Variants in ADGRG2 observed in about 807,000 individuals in gnomAD.
ADGRG2 encodes the protein G protein-coupled receptor 64.
Under a neutral mutation model 74.1 loss-of-function variants are expected in ADGRG2, and 26 were observed. The observed-to-expected ratio is 0.35, with a 90% CI of 0.26 to 0.49. ADGRG2 has a LOEUF of 0.49. Among genes scored for constraint, ADGRG2 ranks in the 20% least tolerant of loss-of-function variants. The probability of loss-of-function intolerance (pLI) is 0.99; values close to 1 mark genes in which losing one functional copy is unlikely to be tolerated. For synonymous variants in ADGRG2, 296 were observed against 295.2 expected (o/e 1.00, Z -0.03); for missense variants, 619 against 763.1 (o/e 0.81, Z 2.22).
At chrX:18,999,511 T>A (rs1372544603) in intron 25 of ADGRG2, among the ~76,000 whole-genome samples, 1 of 112,161 alleles carries the variant, frequency 8.9e-6, no homozygotes, top group Admixed American at 9.5e-5. Context: ...ATAGACCTTT[T>A]TTTAAACATT....
At chrX:19,053,003 A>G in intron 3 of ADGRG2, among the ~76,000 whole-genome samples, 1 of 111,675 alleles carries the variant, frequency 9.0e-6, no homozygotes, top group Non-Finnish European at 1.9e-5. Flanking sequence ...CCTCATCTTA[A>G]CCATTTTTAA....
intron 1 of ADGRG2, among the ~76,000 whole-genome samples, chrX:19,107,738 T>A (rs2062332616): frequency 9.2e-6 from 1 of 109,057 alleles, no homozygotes; most frequent in Non-Finnish European, 1.9e-5. Flanking sequence ...TAAGATATTT[T>A]AAAATGATGA....
At chrX:19,102,557 GA>G (rs2062207899) in intron 1 of ADGRG2, among the ~76,000 whole-genome samples, 1 of 105,940 alleles carries the variant, frequency 9.4e-6, no homozygotes, top group African/African-American at 3.5e-5. Context: ...TTAAACCAAG[GA>G]AATGAATCTC....
intron 3 of ADGRG2, among the ~76,000 whole-genome samples, chrX:19,050,570 G>A (rs1002641059): frequency 2.7e-5 from 3 of 111,560 alleles, no homozygotes; most frequent in African/African-American, 9.8e-5. Context: ...AACCCTGGCT[G>A]CACATTAATA....
At chrX:19,115,783 A>C (rs1420112817) in intron 1 of ADGRG2, among the ~76,000 whole-genome samples, 1 of 110,835 alleles carries the variant, frequency 9.0e-6, no homozygotes, top group Non-Finnish European at 1.9e-5. Context: ...GTGAAACCCT[A>C]TCCCTACTAA....
chrX:19,090,503 T>C (rs1030768201), intron 1 of ADGRG2, among the ~76,000 whole-genome samples: 2 of 111,915 alleles, frequency 1.8e-5, no homozygotes, highest in Admixed American at 1.9e-4. Flanking sequence ...AACAATGTAC[T>C]GTGAGTGGTA....
intron 2 of ADGRG2, among the ~76,000 whole-genome samples, chrX:19,076,093 C>T (rs1250453460): frequency 2.7e-5 from 3 of 111,967 alleles, no homozygotes; most frequent in Non-Finnish European, 5.6e-5. Context: ...ATCACCACAG[C>T]CTGCATACCC....
intron 2 of ADGRG2, among the ~76,000 whole-genome samples, chrX:19,071,122 T>C (rs2061647721): frequency 9.0e-6 from 1 of 111,518 alleles, no homozygotes; most frequent in South Asian, 3.8e-4. Flanking sequence ...AAGCTGGCAA[T>C]CTTTAAGAAT....
intron 3 of ADGRG2, among the ~76,000 whole-genome samples, chrX:19,065,252 A>G (rs1483665236): frequency 4.3e-5 from 4 of 92,366 alleles, no homozygotes; most frequent in African/African-American, 1.6e-4. Context: ...CGACAACAAG[A>G]TCCTGTCTCA....
intron 23 of ADGRG2, 77 bp downstream of exon 23, chrX:19,004,681 A>C (rs2060195092): frequency 2.0e-6 from 2 of 1,024,440 alleles, no homozygotes; most frequent in Non-Finnish European, 1.3e-6. Flanking sequence ...GGCCGAGGAA[A>C]GGGCTTAGTT....
rs61296210 is a variant in ADGRG2 at position 19,093,902 on chromosome X, TACACACACACACAC to T, written c.-46-11170_-46-11157del. On this transcript the variant is annotated intron_variant, in intron 1 of 28. Transcript: ENST00000379869. ...TGGACATAAATGTGGTATGTAGGTA[TACACACACACACAC>T]ACACACACACACACACACACACCCC... is the stretch of plus-strand genomic sequence containing the variant. 2.6e-3 allele frequency among the ~76,000 whole-genome samples: 256 copies of T among 100,127 alleles called. 1 individual carries two copies. The highest frequency in any genetic ancestry group is 5.1e-3 in the Middle Eastern group (1 of 197). 86.9% of individuals were successfully genotyped at this position (100,127 alleles called of 115,157 possible). A position where few individuals can be genotyped will look rare whatever the true frequency, so the allele number is the denominator to read the frequency against.
Position 19,046,837 on chromosome X carries a change from A to G in ADGRG2, c.119-6613T>C, listed in dbSNP as rs767577811. 9.9e-5 allele frequency among the ~76,000 whole-genome samples: 11 copies of G among 111,630 alleles called. No homozygotes were observed. The South Asian group carries it at 1.2e-3, about 12-fold the overall frequency. On this transcript the variant is annotated intron_variant, in intron 3 of 28. Transcript: ENST00000379869. ...AGCCCCCATTAGAGATGCCAGCCAA[A>G]CCGAGAGAGGGGGAGAAATACCCTG...
intron 24 of ADGRG2, 140 bp downstream of exon 24, chrX:19,002,706 A>C: frequency 3.8e-4 from 190 of 495,373 alleles, no homozygotes; most frequent in Non-Finnish European, 5.6e-4. Context: ...CTCTTCGGGC[A>C]GTGCACATGT....
intron 9 of ADGRG2, among the ~76,000 whole-genome samples, chrX:19,030,019 G>A (rs1229248177): frequency 1.8e-5 from 2 of 112,254 alleles, no homozygotes; most frequent in Non-Finnish European, 3.8e-5. Context: ...ACAATAGAAA[G>A]TGTTTGTGAA....
chrX:19,045,598 G>A (rs750242627), intron 3 of ADGRG2, among the ~76,000 whole-genome samples: 207 of 109,852 alleles, frequency 1.9e-3, no homozygotes, highest in African/African-American at 6.2e-3. Flanking sequence ...GTGAGCCACC[G>A]CGCCTGGCCA....
At position 19,053,490 on chromosome X, in the gene ADGRG2, A is replaced by T. The variant is rs1436785089; in HGVS notation, c.119-13266T>A. On this transcript the variant is annotated intron_variant, in intron 3 of 28. Transcript: ENST00000379869. ...AGAAGGCAGTGTGGCAGGTAGGTTAAGAGCCTAGACTCCAAAGACCAGGAC... is the reference window on the plus strand; with the variant it reads ...AGAAGGCAGTGTGGCAGGTAGGTTATGAGCCTAGACTCCAAAGACCAGGAC... Among the ~76,000 whole-genome samples the T allele has an allele frequency of 3.6e-5, 4 of 111,660 alleles. No homozygotes were observed. In the East Asian group the frequency reaches 1.1e-3, roughly 32 times the overall value.
chrX:19,105,281 A>C (rs1031813954), intron 1 of ADGRG2, among the ~76,000 whole-genome samples: 37 of 111,953 alleles, frequency 3.3e-4, no homozygotes, highest in African/African-American at 1.1e-3. Flanking sequence ...TTTTAAATTA[A>C]ACTTTTATTG....
At chrX:19,110,542 C>T (rs1436588551) in intron 1 of ADGRG2, among the ~76,000 whole-genome samples, 1 of 109,339 alleles carries the variant, frequency 9.1e-6, no homozygotes, top group Non-Finnish European at 1.9e-5. Context: ...AAAAATTAGC[C>T]GGGTGTGGTT....
At chrX:19,083,278 C>G (rs2061885456) in intron 1 of ADGRG2, among the ~76,000 whole-genome samples, 1 of 108,627 alleles carries the variant, frequency 9.2e-6, no homozygotes, top group African/African-American at 3.4e-5. Flanking sequence ...CCTCAGCCTC[C>G]CAAAGTGCTG....
Sources: allele counts gnomAD v4.1 joint callset (sites outside exome capture counted in the v4.1 genomes callset), GRCh38; gene constraint gnomAD v4.1.1; transcripts MANE v1.5; gene names NCBI Gene and HGNC (gene_info 2026-07-23, HGNC 2026-07-21).